CCDC171: variants seen among roughly 807,000 people sequenced by gnomAD.
The protein encoded by CCDC171 is coiled-coil domain containing 171, also known as coiled-coil domain-containing protein 171.
CCDC171 carries 177 observed loss-of-function variants against 168.2 expected under a neutral mutation model. The ratio of observed to expected loss-of-function variants is 1.05; its 90% CI spans 0.93 to 1.19. The LOEUF (loss-of-function observed/expected upper bound fraction) is 1.19. Among genes scored for constraint, CCDC171 ranks in the 50% most tolerant of loss-of-function variants. The probability of loss-of-function intolerance (pLI) is 0.00; values close to 1 mark genes in which losing one functional copy is unlikely to be tolerated. For synonymous variants in CCDC171, 687 were observed against 540.8 expected (o/e 1.27, Z -3.75); for missense variants, 1,991 against 1,539.0 (o/e 1.29, Z -4.91).
In CCDC171 at chr9:15,641,092, G is replaced by A. The variant is rs35571679; in HGVS notation, c.823-16035G>A. 5.5e-3 allele frequency among the ~76,000 whole-genome samples: 842 copies of A among 152,166 alleles called. 5 individuals carry two copies. Among genetic ancestry groups the A allele is most frequent in the Non-Finnish European group, 8.5e-3 (575 of 67,988 alleles). ...AGTCCCTTGGAATCACCTTTTTGTA[G>A]ATGGATTATTACTATATTTATTACT... On this transcript the variant is annotated intron_variant, in intron 7 of 25. Coordinates refer to ENST00000380701, the MANE Select transcript of CCDC171 (RefSeq NM_173550.4).
intron 24 of CCDC171, among the ~76,000 whole-genome samples, chr9:15,880,693 C>G (rs918333524): frequency 1.4e-5 from 2 of 145,038 alleles, no homozygotes; most frequent in Non-Finnish European, 3.0e-5. Flanking sequence ...CCAGGCTGGT[C>G]TCGAACTCCT....
intron 2 of CCDC171, among the ~76,000 whole-genome samples, chr9:15,568,010 T>G (rs2039886918): frequency 6.6e-6 from 1 of 151,794 alleles, no homozygotes; most frequent in Non-Finnish European, 1.5e-5. Context: ...AATGGAATTG[T>G]TTTCTTAATT....
intron 7 of CCDC171, among the ~76,000 whole-genome samples, chr9:15,634,842 C>T (rs896985864): frequency 6.6e-6 from 1 of 152,184 alleles, no homozygotes; most frequent in African/African-American, 2.4e-5. Flanking sequence ...CCACTACTTT[C>T]TGTCTTTATA....
Position 15,973,433 on chromosome 9 carries a change from A to G in CCDC171, c.*1597A>G, listed in dbSNP as rs1157924849. On this transcript the variant is annotated 3_prime_UTR_variant, in exon 26 of 26. Coordinates refer to ENST00000380701, the MANE Select transcript of CCDC171 (RefSeq NM_173550.4). ...CTATTTATTAGTAGCCAAATTAGCC[A>G]AGTGATTTATGCCATCTGAGGGAAC... 6.6e-6 allele frequency: 1 copy of G among 152,112 alleles called. No individual in the cohort carries two copies. Among genetic ancestry groups the G allele is most frequent in the Non-Finnish European group, 1.5e-5 (1 of 68,014 alleles). 9.4% of individuals were successfully genotyped at this position (152,112 alleles called of 1,614,324 possible).
chr9:15,559,137 A>G (rs972358317), intron 1 of CCDC171, among the ~76,000 whole-genome samples: 3 of 152,104 alleles, frequency 2.0e-5, no homozygotes, highest in Non-Finnish European at 4.4e-5. Flanking sequence ...TTTGCTGAGG[A>G]GTGCTTTACT....
At chr9:15,599,962 C>T (rs769606097) in intron 6 of CCDC171, among the ~76,000 whole-genome samples, 6 of 151,970 alleles carry the variant, frequency 3.9e-5, no homozygotes, top group South Asian at 2.1e-4. Flanking sequence ...CTTGTGCATT[C>T]GTCACATAGT....
intron 25 of CCDC171, among the ~76,000 whole-genome samples, chr9:15,957,194 G>A (rs1213433807): frequency 6.6e-6 from 1 of 152,108 alleles, no homozygotes; most frequent in East Asian, 1.9e-4. Context: ...TTCGAGGGCA[G>A]GCAGACACCA....
intron 3 of CCDC171, among the ~76,000 whole-genome samples, chr9:16,007,501 C>T (rs13292641): frequency 6.6e-6 from 1 of 152,114 alleles, no homozygotes; most frequent in Non-Finnish European, 1.5e-5. Flanking sequence ...ACATGAAGTC[C>T]TTGCCCATGC....
At chr9:15,786,146 A>G (rs897142010) in intron 21 of CCDC171, among the ~76,000 whole-genome samples, 1 of 152,136 alleles carries the variant, frequency 6.6e-6, no homozygotes, top group Non-Finnish European at 1.5e-5. Flanking sequence ...CTGTTTTTAT[A>G]AGTGAAAACT....
the CCDC171 span, among the ~76,000 whole-genome samples, chr9:16,086,528 G>A: frequency 1.2e-4 from 18 of 151,954 alleles, no homozygotes; most frequent in Middle Eastern, 3.4e-3. Context: ...GGCTGGTCTC[G>A]AACTCCTGAC....
intron 12 of CCDC171, 163 bp from the exon 13 acceptor site, chr9:15,723,518 G>T: frequency 1.7e-6 from 1 of 575,480 alleles, no homozygotes; most frequent in Non-Finnish European, 3.1e-6. Context: ...TTAACCAAAA[G>T]AAATAATTTT....
chr9:15,824,100 T>G (rs903818497), intron 21 of CCDC171, among the ~76,000 whole-genome samples: 1 of 152,052 alleles, frequency 6.6e-6, no homozygotes, highest in Non-Finnish European at 1.5e-5. Context: ...AGTTGTACCA[T>G]TTATTATCAA....
At chr9:16,103,128 T>C in the CCDC171 span, among the ~76,000 whole-genome samples, 125 of 152,314 alleles carry the variant, frequency 8.2e-4, no homozygotes, top group African/African-American at 2.9e-3. Context: ...CTTCAATTGA[T>C]TTTGCAAGAT....
chr9:15,755,771 A>G (rs2056070519), intron 18 of CCDC171, among the ~76,000 whole-genome samples: 2 of 152,208 alleles, frequency 1.3e-5, no homozygotes. Flanking sequence ...AAAGTAGATT[A>G]GTGATTGCCC....
At chr9:16,094,810 G>A in the CCDC171 span, among the ~76,000 whole-genome samples, 16 of 152,336 alleles carry the variant, frequency 1.1e-4, no homozygotes, top group African/African-American at 3.6e-4. Context: ...AGAAAGCAGT[G>A]TGATAGATTT....
the CCDC171 span, among the ~76,000 whole-genome samples, chr9:16,084,923 C>G: frequency 2.0e-5 from 3 of 152,296 alleles, no homozygotes; most frequent in East Asian, 5.8e-4. Flanking sequence ...GGGCCTTGAC[C>G]AACTCACTTA....
intron 3 of CCDC171, among the ~76,000 whole-genome samples, chr9:15,993,745 C>A (rs1256764859): frequency 2.0e-5 from 3 of 152,016 alleles, no homozygotes; most frequent in Admixed American, 6.5e-5. Flanking sequence ...AACAAATTTA[C>A]AAGAAAAAAA....
intron 6 of CCDC171, among the ~76,000 whole-genome samples, chr9:16,030,854 A>G (rs1833354677): frequency 6.6e-6 from 1 of 152,220 alleles, no homozygotes; most frequent in Non-Finnish European, 1.5e-5. Context: ...CATCTGGGGA[A>G]CGCAGATATT....
chr9:15,938,339 A>C (rs1327803935), intron 25 of CCDC171, among the ~76,000 whole-genome samples: 5 of 151,894 alleles, frequency 3.3e-5, no homozygotes, highest in Non-Finnish European at 5.9e-5. Flanking sequence ...AAGAATGACC[A>C]AGTTTACATG....
Sources: allele counts gnomAD v4.1 joint callset (sites outside exome capture counted in the v4.1 genomes callset), GRCh38; gene constraint gnomAD v4.1.1; transcripts MANE v1.5; gene names NCBI Gene and HGNC (gene_info 2026-07-23, HGNC 2026-07-21).